The following GRID1 variants were observed in gnomAD, a reference collection of about 807,000 sequenced individuals.
GRID1 encodes the protein glutamate ionotropic receptor delta type subunit 1.
A neutral mutation model predicts 98.0 loss-of-function variants in GRID1; 28 were observed. That is an observed-to-expected ratio of 0.29 (90% CI 0.21 to 0.39). GRID1 has a LOEUF of 0.39. Among genes scored for constraint, GRID1 ranks in the 10% least tolerant of loss-of-function variants. The probability of loss-of-function intolerance (pLI) is 1.00; values close to 1 mark genes in which losing one functional copy is unlikely to be tolerated. For synonymous variants in GRID1, 553 were observed against 538.5 expected (o/e 1.03, Z -0.37); for missense variants, 1,111 against 1,340.5 (o/e 0.83, Z 2.67).
chr10:86,233,593 G>C (rs539945171), intron 2 of GRID1, among the ~76,000 whole-genome samples: 2 of 152,288 alleles, frequency 1.3e-5, no homozygotes, highest in South Asian at 4.2e-4. Flanking sequence ...ACATCAGACA[G>C]TGGTGGTGGT....
chr10:86,014,977 C>T (rs1349978928), intron 4 of GRID1, among the ~76,000 whole-genome samples: 2 of 152,168 alleles, frequency 1.3e-5, no homozygotes, highest in Non-Finnish European at 2.9e-5. Flanking sequence ...GTTTCTTCAC[C>T]TTTTATAAAG....
intron 2 of GRID1, among the ~76,000 whole-genome samples, chr10:86,215,844 AAT>A (rs1288987865): frequency 6.6e-6 from 1 of 152,116 alleles, no homozygotes; most frequent in African/African-American, 2.4e-5. Context: ...ACGCCCTTGA[AAT>A]ATTAGCCATG....
chr10:86,293,018 C>T (rs570135367), intron 2 of GRID1, among the ~76,000 whole-genome samples: 33 of 152,268 alleles, frequency 2.2e-4, no homozygotes, highest in African/African-American at 7.2e-4. Context: ...CTCCCAGAGG[C>T]CCTGCTGCAG....
At chr10:85,899,181 C>G (rs369212254) in intron 5 of GRID1, among the ~76,000 whole-genome samples, 1 of 152,172 alleles carries the variant, frequency 6.6e-6, no homozygotes, top group African/African-American at 2.4e-5. Context: ...TGTCTTTCTA[C>G]GCCTAGCTTA....
At chr10:86,003,000 C>T (rs536566887) in intron 4 of GRID1, among the ~76,000 whole-genome samples, 2 of 152,298 alleles carry the variant, frequency 1.3e-5, no homozygotes, top group East Asian at 3.9e-4. Flanking sequence ...GGATGACTGT[C>T]CTCCAGCTAG....
intron 8 of GRID1, among the ~76,000 whole-genome samples, chr10:85,802,474 T>C (rs564690588): frequency 1.3e-5 from 2 of 152,178 alleles, no homozygotes; most frequent in African/African-American, 4.8e-5. Flanking sequence ...GATAAATCAT[T>C]AGGCAAAGGA....
At chr10:85,853,009 A>G (rs1843074557) in intron 8 of GRID1, among the ~76,000 whole-genome samples, 1 of 152,142 alleles carries the variant, frequency 6.6e-6, no homozygotes, top group Non-Finnish European at 1.5e-5. Flanking sequence ...TATATGACCA[A>G]TCCATGACTC....
intron 2 of GRID1, among the ~76,000 whole-genome samples, chr10:86,330,797 C>G (rs766914963): frequency 6.6e-6 from 1 of 152,208 alleles, no homozygotes; most frequent in Non-Finnish European, 1.5e-5. Flanking sequence ...AGGAGCAGCA[C>G]GTCCAGGAAG....
In GRID1 at chr10:85,647,091, G is replaced by A. The variant is rs1237037728; in HGVS notation, c.2193+111C>T. On this transcript the variant is annotated intron_variant, in intron 13 of 15. Transcript: ENST00000327946. ...AACGTGTGCGATGGATCGCCTTGCA[G>A]GTAACAGGGCTGCTCAGAGGCAGAT... 3.7e-6 allele frequency: 3 copies of A among 811,136 alleles called. No individual in the cohort carries two copies. In the Admixed American group the frequency reaches 6.2e-5, roughly 17 times the overall value. The allele number at this position is 811,136 out of a possible 1,614,324, so 50.2% of individuals were successfully genotyped here.
At chr10:85,945,793 C>A (rs924794452) in intron 4 of GRID1, among the ~76,000 whole-genome samples, 1 of 152,138 alleles carries the variant, frequency 6.6e-6, no homozygotes, top group Non-Finnish European at 1.5e-5. Context: ...TTAGAAAATT[C>A]TGTTTCCAAG....
chr10:86,018,725 T>C (rs1159002391), intron 4 of GRID1, among the ~76,000 whole-genome samples: 1 of 152,160 alleles, frequency 6.6e-6, no homozygotes, highest in Admixed American at 6.5e-5. Flanking sequence ...CTCTGGCCTG[T>C]GGTTGAGAGG....
chr10:86,138,078 C>T (rs1844954650), intron 4 of GRID1, among the ~76,000 whole-genome samples: 1 of 152,162 alleles, frequency 6.6e-6, no homozygotes, highest in Admixed American at 6.5e-5. Flanking sequence ...ACATCCCCAG[C>T]TCACCCCCCA....
chr10:86,161,243 G>A (rs1302182153), intron 3 of GRID1, among the ~76,000 whole-genome samples: 1 of 152,158 alleles, frequency 6.6e-6, no homozygotes, highest in Non-Finnish European at 1.5e-5. Flanking sequence ...GTGTCAGGAG[G>A]GAAATCCGGG....
At chr10:85,748,068 G>C (rs531541832) in intron 8 of GRID1, among the ~76,000 whole-genome samples, 3 of 152,208 alleles carry the variant, frequency 2.0e-5, no homozygotes, top group African/African-American at 7.2e-5. Context: ...TGAGTCATAG[G>C]AGTGAGGTGC....
chr10:85,791,106 A>G (rs1842475740), intron 8 of GRID1, among the ~76,000 whole-genome samples: 1 of 152,140 alleles, frequency 6.6e-6, no homozygotes, highest in African/African-American at 2.4e-5. Context: ...CCCAATATCG[A>G]TACCCACCTG....
rs112319459 is a variant in GRID1 at position 85,799,738 on chromosome 10, G to A, written c.1233+54758C>T. Among the ~76,000 whole-genome samples, 690 of 152,174 alleles carry A rather than the reference G, an allele frequency of 4.5e-3. 2 individuals carry two copies. The highest frequency in any genetic ancestry group is 0.015 in the African/African-American group (641 of 41,560). On this transcript the variant is annotated intron_variant, in intron 8 of 15. Transcript: ENST00000327946. ...AGTAGTGGGGAGGTGGAGAAGGGCA[G>A]AGGTTGTTTATTGGGTATAAAATTA...
intron 2 of GRID1, among the ~76,000 whole-genome samples, chr10:86,217,893 C>T (rs995878830): frequency 1.3e-5 from 2 of 152,108 alleles, no homozygotes; most frequent in African/African-American, 4.8e-5. Context: ...CACCACAGAG[C>T]CTGCCTCAGC....
At chr10:86,101,890 G>T (rs1311814218) in intron 4 of GRID1, among the ~76,000 whole-genome samples, 1 of 151,996 alleles carries the variant, frequency 6.6e-6, no homozygotes, top group African/African-American at 2.4e-5. Context: ...CCTTTTTAAT[G>T]CTGAATAATA....
intron 8 of GRID1, among the ~76,000 whole-genome samples, chr10:85,774,422 C>A (rs1842307891): frequency 6.6e-6 from 1 of 152,170 alleles, no homozygotes; most frequent in African/African-American, 2.4e-5. Flanking sequence ...TGGGCAAGAA[C>A]TTCATGTCTA....
Sources: gnomAD v4.1 joint callset for allele counts (sites outside exome capture counted in the v4.1 genomes callset) on GRCh38, gnomAD v4.1.1 for gene constraint, MANE v1.5 for transcripts, NCBI Gene and HGNC (gene_info 2026-07-23, HGNC 2026-07-21) for gene names.